The following PTPRJ variants were observed in gnomAD, a reference collection of about 807,000 sequenced individuals.
The protein encoded by PTPRJ is protein tyrosine phosphatase receptor type J.
Under a neutral mutation model 141.3 loss-of-function variants are expected in PTPRJ, and 129 were observed. That is an observed-to-expected ratio of 0.91 (90% CI 0.79 to 1.06). The LOEUF is 1.06. Ranked by LOEUF, PTPRJ falls within the 50% of genes least tolerant of loss-of-function variation. The probability of loss-of-function intolerance (pLI) is 0.00; values close to 1 mark genes in which losing one functional copy is unlikely to be tolerated. For synonymous variants in PTPRJ, 610 were observed against 640.5 expected, an observed-to-expected ratio of 0.95 and a Z score of 0.72; for missense variants, 1,601 against 1,679.7, an observed-to-expected ratio of 0.95 and a Z score of 0.82.
chr11:48,081,799 C>T (rs1243674515), intron 1 of PTPRJ, among the ~76,000 whole-genome samples: 2 of 152,138 alleles, frequency 1.3e-5, no homozygotes, highest in African/African-American at 4.8e-5. Context: ...AAGCTTCTTT[C>T]TTCTCCTGAA....
At chr11:48,063,749 T>C (rs1855003109) in intron 1 of PTPRJ, among the ~76,000 whole-genome samples, 1 of 152,240 alleles carries the variant, frequency 6.6e-6, no homozygotes, top group Non-Finnish European at 1.5e-5. Flanking sequence ...TGTGAAATCA[T>C]GAGCTAGTTA....
At chr11:48,051,498 A>C (rs1382378075) in intron 1 of PTPRJ, among the ~76,000 whole-genome samples, 1 of 152,174 alleles carries the variant, frequency 6.6e-6, no homozygotes, top group Non-Finnish European at 1.5e-5. Context: ...ATTAAATGTG[A>C]TGTGGAAAAA....
chr11:48,027,660 C>T (rs535530782), intron 1 of PTPRJ, among the ~76,000 whole-genome samples: 1 of 151,744 alleles, frequency 6.6e-6, no homozygotes, highest in East Asian at 1.9e-4. Context: ...GGCATGGTGG[C>T]ACATGCCTGT....
intron 8 of PTPRJ, among the ~76,000 whole-genome samples, chr11:48,131,084 T>A (rs1413748377): frequency 3.1e-5 from 4 of 130,596 alleles, no homozygotes; most frequent in African/African-American, 1.1e-4. Context: ...TTTTTTTTTT[T>A]TTTTTTTTTT....
At position 48,078,147 on chromosome 11, in the gene PTPRJ, C is replaced by T. The variant is rs189510488; in HGVS notation, c.97-31911C>T. Among the ~76,000 whole-genome samples the T allele has an allele frequency of 3.8e-4, 57 of 151,726 alleles. 1 individual carries two copies. Among genetic ancestry groups the T allele is most frequent in the East Asian group, 3.5e-3 (18 of 5,160 alleles). On this transcript the variant is annotated intron_variant, in intron 1 of 24. Coordinates refer to ENST00000418331, the MANE Select transcript of PTPRJ (RefSeq NM_002843.4). ...GATCTTGGCTCACTGCAACCTCTGC[C>T]GCCCAGATTCAAGCAATTTTCCTGC...
chr11:48,115,078 G>A (rs373509359), intron 3 of PTPRJ, among the ~76,000 whole-genome samples: 24 of 152,294 alleles, frequency 1.6e-4, no homozygotes, highest in African/African-American at 4.8e-4. Flanking sequence ...ATCAAAAGAC[G>A]TGGTATTTGA....
chr11:48,152,299 A>T (rs1857503104), intron 18 of PTPRJ, among the ~76,000 whole-genome samples: 1 of 151,684 alleles, frequency 6.6e-6, no homozygotes. Context: ...GGGTTGTTTG[A>T]TTTTTTCTTG....
chr11:48,041,007 G>A (rs1381362741), intron 1 of PTPRJ, among the ~76,000 whole-genome samples: 1 of 151,918 alleles, frequency 6.6e-6, no homozygotes, highest in African/African-American at 2.4e-5. Flanking sequence ...TGCACCCTCC[G>A]TCTGTGTCAC....
chr11:47,989,432 A>G (rs1414710923), intron 1 of PTPRJ, among the ~76,000 whole-genome samples: 1 of 151,472 alleles, frequency 6.6e-6, no homozygotes, highest in Non-Finnish European at 1.5e-5. Flanking sequence ...ACGCCCAGCT[A>G]ATTTTTTGTA....
In PTPRJ at chr11:48,127,995, G is replaced by A. The variant is rs771143575; in HGVS notation, c.1309G>A (p.Val437Ile). 13 of 1,613,960 alleles carry A rather than the reference G, an allele frequency of 8.1e-6. No homozygotes were observed. The South Asian group carries it at 1.3e-4, about 16-fold the overall frequency. Residue 437 changes from valine (V) to isoleucine (I), a missense_variant, in exon 7 of 25, where the codon GTC (valine) becomes ATC (isoleucine). By Grantham distance (29) the Val-to-Ile change is conservative. Coordinates refer to ENST00000418331, the MANE Select transcript of PTPRJ (RefSeq NM_002843.4). ...STFYNITVCP[V>I]LGDIEGTPGF... ...CTTCTACAACATCACAGTGTGTCCT[G>A]TCCTAGGTGACATCGAGGGCACGCC...
intron 22 of PTPRJ, 47 bp downstream of exon 22, chr11:48,160,096 T>A (rs1339678796): frequency 6.3e-7 from 1 of 1,596,938 alleles, no homozygotes; most frequent in East Asian, 2.2e-5. Context: ...TTACCATATG[T>A]TAATTTGGGG....
chr11:48,046,906 ATATATATT>A (rs1308243279), intron 1 of PTPRJ, among the ~76,000 whole-genome samples: 3 of 84,292 alleles, frequency 3.6e-5, no homozygotes, highest in Non-Finnish European at 6.2e-5. Flanking sequence ...ATATATATAT[ATATATATT>A]TTTTTTTTTT....
At chr11:48,151,593 A>C in intron 18 of PTPRJ, among the ~76,000 whole-genome samples, 1 of 134,580 alleles carries the variant, frequency 7.4e-6, no homozygotes, top group African/African-American at 2.7e-5. Flanking sequence ...TCCTAATGCT[A>C]TCCCTCCCCC....
intron 1 of PTPRJ, among the ~76,000 whole-genome samples, chr11:48,086,115 G>C (rs1467751559): frequency 1.3e-5 from 2 of 152,222 alleles, no homozygotes; most frequent in Non-Finnish European, 2.9e-5. Flanking sequence ...TAGAGAAAAG[G>C]TGACATGTAA....
intron 24 of PTPRJ, among the ~76,000 whole-genome samples, chr11:48,165,003 T>G (rs1426428509): frequency 1.3e-5 from 2 of 152,234 alleles, no homozygotes; most frequent in African/African-American, 4.8e-5. Context: ...TGGAATTAAA[T>G]TACCCAATAC....
intron 1 of PTPRJ, among the ~76,000 whole-genome samples, chr11:48,064,928 G>A (rs1275122390): frequency 6.6e-6 from 1 of 150,566 alleles, no homozygotes; most frequent in Non-Finnish European, 1.5e-5. Context: ...GCTCTGAGCT[G>A]CAAATTTAAT....
intron 8 of PTPRJ, among the ~76,000 whole-genome samples, chr11:48,132,987 C>T (rs890994514): frequency 1.3e-5 from 2 of 152,202 alleles, no homozygotes; most frequent in Admixed American, 6.5e-5. Context: ...AAGAGGATCA[C>T]CACTGAGGGA....
At chr11:48,164,796 C>G (rs988966421) in intron 24 of PTPRJ, among the ~76,000 whole-genome samples, 1 of 151,662 alleles carries the variant, frequency 6.6e-6, no homozygotes, top group Non-Finnish European at 1.5e-5. Flanking sequence ...GAACTCCTGA[C>G]CTCAAGTGAT....
chr11:48,164,557 C>CTTTTTT, intron 24 of PTPRJ, 42 bp downstream of exon 24: 1 of 1,181,280 alleles, frequency 8.5e-7, no homozygotes, highest in Non-Finnish European at 1.1e-6. Context: ...CCTTCCCCTC[C>CTTTTTT]ATTTTTTTTT....
Sources: allele counts gnomAD v4.1 joint callset (sites outside exome capture counted in the v4.1 genomes callset), GRCh38; gene constraint gnomAD v4.1.1; transcripts MANE v1.5; gene names NCBI Gene and HGNC (gene_info 2026-07-23, HGNC 2026-07-21).